MARCHF1: variants seen among roughly 807,000 people sequenced by gnomAD.
MARCHF1 encodes the protein E3 ubiquitin-protein ligase MARCHF1.
MARCHF1 carries 40 observed loss-of-function variants against 54.2 expected under a neutral mutation model. The observed-to-expected ratio is 0.74, with a 90% CI of 0.57 to 0.96. The LOEUF is 0.96. Ranked by LOEUF, MARCHF1 falls within the 40% of genes least tolerant of loss-of-function variation. The pLI is 0.00. For missense variants in MARCHF1, 586 were observed against 656.5 expected (o/e 0.89, Z 1.17); for synonymous variants, 236 against 236.3 (o/e 1.00, Z 0.01).
chr4:164,184,201 C>A (rs79182343), intron 1 of MARCHF1, among the ~76,000 whole-genome samples: 18,456 of 152,162 alleles, frequency 0.12, 1,410 homozygotes, highest in Admixed American at 0.21. Flanking sequence ...TGAGATTTTA[C>A]AACTTTTTCC....
At chr4:164,006,075 C>CA (rs749644392) in intron 2 of MARCHF1, among the ~76,000 whole-genome samples, 83 of 150,844 alleles carry the variant, frequency 5.5e-4, no homozygotes, top group Non-Finnish European at 9.9e-4. Context: ...AACAAACAAA[C>CA]AAAAAAACAA....
intron 7 of MARCHF1, among the ~76,000 whole-genome samples, chr4:163,608,082 G>A (rs1030930820): frequency 3.3e-5 from 5 of 152,232 alleles, no homozygotes; most frequent in African/African-American, 7.2e-5. Flanking sequence ...TGTTGAGAAT[G>A]TTCTATCTGC....
At chr4:163,904,763 A>AGAGAC (rs374872263) in intron 3 of MARCHF1, among the ~76,000 whole-genome samples, 4,862 of 151,560 alleles carry the variant, frequency 0.032, 249 homozygotes, top group East Asian at 0.22. Context: ...AGGAGAGAGA[A>AGAGAC]AGAGACAGAG....
At chr4:164,308,210 T>C (rs1210494286) in intron 1 of MARCHF1, among the ~76,000 whole-genome samples, 1 of 152,220 alleles carries the variant, frequency 6.6e-6, no homozygotes, top group Non-Finnish European at 1.5e-5. Flanking sequence ...ATATTTATGA[T>C]TTGTACATAA....
chr4:163,715,352 T>A (rs1171565976), intron 4 of MARCHF1, among the ~76,000 whole-genome samples: 2 of 152,272 alleles, frequency 1.3e-5, no homozygotes, highest in East Asian at 3.9e-4. Context: ...TTCACGCCAT[T>A]CATCTGCCTC....
At chr4:163,666,168 A>G (rs968418693) in intron 5 of MARCHF1, among the ~76,000 whole-genome samples, 1 of 152,154 alleles carries the variant, frequency 6.6e-6, no homozygotes, top group African/African-American at 2.4e-5. Flanking sequence ...GGTTAACCAG[A>G]GCATCTGAAC....
chr4:164,350,864 A>C (rs1207628080), intron 1 of MARCHF1, among the ~76,000 whole-genome samples: 1 of 151,834 alleles, frequency 6.6e-6, no homozygotes, highest in African/African-American at 2.4e-5. Context: ...CATTCATCTC[A>C]CTAGGGAGTG....
intron 5 of MARCHF1, among the ~76,000 whole-genome samples, chr4:163,689,370 G>C (rs1164292214): frequency 5.3e-5 from 8 of 152,130 alleles, no homozygotes; most frequent in African/African-American, 1.9e-4. Flanking sequence ...CTAGAGAAAA[G>C]TTTAACATGT....
chr4:163,637,458 A>C (rs1156581479), intron 5 of MARCHF1, among the ~76,000 whole-genome samples: 1 of 152,254 alleles, frequency 6.6e-6, no homozygotes, highest in Admixed American at 6.5e-5. Context: ...TTCTCAAAAG[A>C]AGACATTTAT....
intron 2 of MARCHF1, among the ~76,000 whole-genome samples, chr4:164,055,699 AAAGGTCCTCTGGGG>A (rs1253696267): frequency 6.6e-6 from 1 of 152,224 alleles, no homozygotes; most frequent in Admixed American, 6.6e-5. Flanking sequence ...TCCTCAGAGT[AAAGGTCCTCTGGGG>A]ACCATTGCTT....
chr4:163,724,000 G>A (rs753507341), intron 4 of MARCHF1, among the ~76,000 whole-genome samples: 23 of 152,062 alleles, frequency 1.5e-4, no homozygotes, highest in African/African-American at 3.4e-4. Flanking sequence ...AAGTTTGATC[G>A]TCTGAAGCCT....
At chr4:164,186,037 C>A (rs1223104049) in intron 1 of MARCHF1, among the ~76,000 whole-genome samples, 5 of 152,058 alleles carry the variant, frequency 3.3e-5, no homozygotes, top group Admixed American at 2.6e-4. Flanking sequence ...GGACTACAGG[C>A]GCCTGCCACC....
intron 2 of MARCHF1, among the ~76,000 whole-genome samples, chr4:164,030,713 C>G (rs899330563): frequency 6.6e-6 from 1 of 152,126 alleles, no homozygotes; most frequent in South Asian, 2.1e-4. Flanking sequence ...TTCTATTTAG[C>G]AATTGGAATA....
At chr4:164,036,055 A>T (rs1753989299) in intron 2 of MARCHF1, among the ~76,000 whole-genome samples, 1 of 144,874 alleles carries the variant, frequency 6.9e-6, no homozygotes, top group Admixed American at 7.0e-5. Flanking sequence ...GTGAGCCAAG[A>T]TTGTGCCACT....
At chr4:164,293,240 T>C (rs1435532319) in intron 1 of MARCHF1, among the ~76,000 whole-genome samples, 3 of 151,780 alleles carry the variant, frequency 2.0e-5, no homozygotes, top group Admixed American at 2.0e-4. Context: ...AAAAAATCCC[T>C]GCAACCTAAG....
chr4:163,790,464 G>A (rs1747745097), intron 4 of MARCHF1, among the ~76,000 whole-genome samples: 1 of 151,998 alleles, frequency 6.6e-6, no homozygotes, highest in South Asian at 2.1e-4. Context: ...GGTCTCAGAA[G>A]GCAGAATATT....
chr4:164,074,964 T>G (rs984929027), intron 2 of MARCHF1, among the ~76,000 whole-genome samples: 1 of 152,010 alleles, frequency 6.6e-6, no homozygotes, highest in Non-Finnish European at 1.5e-5. Context: ...ACTGTATTTA[T>G]GTTTGGTCCA....
chr4:164,358,362 T>G (rs6827603), intron 1 of MARCHF1, among the ~76,000 whole-genome samples: 3 of 152,012 alleles, frequency 2.0e-5, no homozygotes, highest in Admixed American at 2.0e-4. Context: ...AGTCAACTTA[T>G]TTTGAATATG....
chr4:164,078,287 C>A (rs753619682), intron 2 of MARCHF1, among the ~76,000 whole-genome samples: 11 of 152,038 alleles, frequency 7.2e-5, no homozygotes, highest in Non-Finnish European at 1.6e-4. Context: ...AACAGAAAAC[C>A]AAACACCGCA....
Sources: gnomAD v4.1 joint callset for allele counts (sites outside exome capture counted in the v4.1 genomes callset) on GRCh38, gnomAD v4.1.1 for gene constraint, MANE v1.5 for transcripts, NCBI Gene and HGNC (gene_info 2026-07-23, HGNC 2026-07-21) for gene names.